Variants in SEC14L5 observed in about 807,000 individuals in gnomAD.
SEC14L5 encodes the protein SEC14 like lipid binding 5, also known as SEC14-like protein 5.
Under a neutral mutation model 84.6 loss-of-function variants are expected in SEC14L5, and 96 were observed. The observed-to-expected ratio is 1.13, with a 90% CI of 0.96 to 1.34. The LOEUF (loss-of-function observed/expected upper bound fraction) is 1.34, where lower values mean the gene tolerates loss of function less well. Ranked by LOEUF, SEC14L5 falls within the 40% of genes most tolerant of loss-of-function variation. SEC14L5 has a pLI of 0.00. For missense variants in SEC14L5, 1,224 were observed against 942.5 expected, an observed-to-expected ratio of 1.30 and a Z score of -3.91; for synonymous variants, 546 against 383.4, an observed-to-expected ratio of 1.42 and a Z score of -4.95.
chr16:5,011,008 T>C, intron 14 of SEC14L5, 87 bp from the exon 15 acceptor site: 2 of 1,314,912 alleles, frequency 1.5e-6, no homozygotes, highest in African/African-American at 1.5e-5. Flanking sequence ...TTTCCAGGCC[T>C]GGTGATGAGA....
At chr16:4,964,391 A>G (rs1339663244) in intron 2 of SEC14L5, among the ~76,000 whole-genome samples, 1 of 152,132 alleles carries the variant, frequency 6.6e-6, no homozygotes, top group Non-Finnish European at 1.5e-5. Context: ...GATCAAGACC[A>G]TCCTGACCAA....
chr16:4,965,478 G>A (rs1305693825), intron 2 of SEC14L5, among the ~76,000 whole-genome samples: 2 of 150,422 alleles, frequency 1.3e-5, no homozygotes, highest in Admixed American at 6.6e-5. Flanking sequence ...TGGCTAACAC[G>A]GTGAAACCGC....
intron 10 of SEC14L5, among the ~76,000 whole-genome samples, chr16:5,001,362 G>A (rs950359140): frequency 3.3e-5 from 5 of 151,130 alleles, no homozygotes; most frequent in Admixed American, 6.6e-5. Context: ...GGGTTCAAGC[G>A]ATTCTCCTGC....
At chr16:4,969,308 C>T (rs371887348) in intron 2 of SEC14L5, among the ~76,000 whole-genome samples, 2 of 151,988 alleles carry the variant, frequency 1.3e-5, no homozygotes, top group African/African-American at 4.8e-5. Flanking sequence ...TGCTGTGTGC[C>T]GAAGGCTGTG....
chr16:4,991,828 T>C lies in SEC14L5; in HGVS notation c.475-10T>C. 1 of 1,591,336 alleles carries C rather than the reference T, an allele frequency of 6.3e-7. No homozygotes were observed. Among genetic ancestry groups the C allele is most frequent in the Non-Finnish European group, 8.6e-7 (1 of 1,167,836 alleles). On this transcript the variant is annotated splice_polypyrimidine_tract_variant and intron_variant, in intron 5 of 15. Transcript: ENST00000251170. Reference sequence around the variant, plus strand: ...CGTGCTCATGTGTCTTGGGTCTCTCTGGCTTCCAGGGGAAGGAGGTGATTG... The same window carrying C: ...CGTGCTCATGTGTCTTGGGTCTCTCCGGCTTCCAGGGGAAGGAGGTGATTG...
At chr16:4,961,974 G>A (rs1027856007) in intron 2 of SEC14L5, among the ~76,000 whole-genome samples, 1 of 151,930 alleles carries the variant, frequency 6.6e-6, no homozygotes, top group Non-Finnish European at 1.5e-5. Flanking sequence ...GGCCCTGTGC[G>A]AGGCAAACAG....
At chr16:4,966,433 C>T (rs911162376) in intron 2 of SEC14L5, among the ~76,000 whole-genome samples, 1 of 151,746 alleles carries the variant, frequency 6.6e-6, no homozygotes, top group Admixed American at 6.6e-5. Flanking sequence ...GCCACCATGC[C>T]CAGCTAAATT....
chr16:4,966,182 G>T (rs1955197966), intron 2 of SEC14L5, among the ~76,000 whole-genome samples: 1 of 151,872 alleles, frequency 6.6e-6, no homozygotes, highest in Admixed American at 6.6e-5. Flanking sequence ...TAGCCAGGAT[G>T]GTGTCAATCT....
intron 2 of SEC14L5, among the ~76,000 whole-genome samples, chr16:4,968,925 A>G (rs981616375): frequency 1.3e-5 from 2 of 152,262 alleles, no homozygotes; most frequent in African/African-American, 4.8e-5. Flanking sequence ...AATTTAGCCA[A>G]TGCGTTATTA....
At chr16:4,997,883 T>C (rs1272782011) in intron 8 of SEC14L5, among the ~76,000 whole-genome samples, 1 of 152,046 alleles carries the variant, frequency 6.6e-6, no homozygotes, top group Non-Finnish European at 1.5e-5. Flanking sequence ...TGTTTCTGTG[T>C]CCTCGCCTCT....
At chr16:4,965,075 A>G (rs184767398) in intron 2 of SEC14L5, among the ~76,000 whole-genome samples, 30 of 152,272 alleles carry the variant, frequency 2.0e-4, no homozygotes, top group African/African-American at 7.0e-4. Flanking sequence ...GGTGTGATTG[A>G]CACATAAAAA....
chr16:4,985,292 G>T (rs1955471932), intron 2 of SEC14L5, among the ~76,000 whole-genome samples: 1 of 152,026 alleles, frequency 6.6e-6, no homozygotes, highest in South Asian at 2.1e-4. Context: ...ATGGCACAAT[G>T]TCGCCTCACT....
intron 2 of SEC14L5, among the ~76,000 whole-genome samples, chr16:4,985,646 G>A (rs1289097153): frequency 2.0e-5 from 3 of 152,088 alleles, no homozygotes; most frequent in Admixed American, 6.6e-5. Flanking sequence ...GGTGATAAAC[G>A]TAAGGGCTTA....
Position 5,018,855 on chromosome 16 carries a change from A to G in SEC14L5, c.*3885A>G, listed in dbSNP as rs866986200. ...TCCCTGCTGTAAAATTTATTGTCCA[A>G]TGAGAATAGTATAATTGTTTTCAAC... On this transcript the variant is annotated 3_prime_UTR_variant, in exon 16 of 16. Coordinates refer to ENST00000251170, the MANE Select transcript of SEC14L5 (RefSeq NM_014692.2). 2.6e-5 allele frequency: 4 copies of G among 152,270 alleles called. No homozygotes were observed. The highest frequency in any genetic ancestry group is 3.4e-3 in the Middle Eastern group (1 of 294). The allele number at this position is 152,270 out of a possible 1,614,324, so 9.4% of individuals were successfully genotyped here. A position where few individuals can be genotyped will look rare whatever the true frequency, so the allele number is the denominator to read the frequency against.
intron 15 of SEC14L5, among the ~76,000 whole-genome samples, chr16:5,012,246 G>T (rs541397198): frequency 2.0e-4 from 31 of 152,168 alleles, no homozygotes; most frequent in Non-Finnish European, 3.5e-4. Context: ...TGAGGCCCAG[G>T]GGGACACAGA....
intron 8 of SEC14L5, among the ~76,000 whole-genome samples, chr16:4,999,952 C>T (rs1185388784): frequency 6.6e-6 from 1 of 151,592 alleles, no homozygotes; most frequent in South Asian, 2.1e-4. Context: ...AACCAACAGA[C>T]AAAAAACACC....
chr16:4,998,149 G>A (rs1370121746), intron 8 of SEC14L5, among the ~76,000 whole-genome samples: 1 of 151,646 alleles, frequency 6.6e-6, no homozygotes, highest in Non-Finnish European at 1.5e-5. Context: ...GGGACTACAG[G>A]CGTGCACCAC....
chr16:4,987,636 C>G lies in SEC14L5; in HGVS notation c.143C>G (p.Pro48Arg), dbSNP rs748061437. 2.6e-6 allele frequency: 4 copies of G among 1,555,858 alleles called. No homozygotes were observed. The highest frequency in any genetic ancestry group is 2.4e-5 in the South Asian group (2 of 84,442). The change falls in exon 3 of 16, where the codon CCG (proline) becomes CGG (arginine). Residue 48 changes from proline (P) to arginine (R), a missense_variant. Physicochemically the swap from Pro to Arg is moderately radical, Grantham distance 103. Transcript: ENST00000251170. ...GAGGTCTTGCGCGAGTCCCGCAGCC[C>G]GGACGGGGCTGTGCACGTGGTGGAG... Reference protein sequence around the residue: ...GSEVLRESRSPDGAVHVVERS... With the variant: ...GSEVLRESRSRDGAVHVVERS...
intron 4 of SEC14L5, 44 bp from the exon 5 acceptor site, chr16:4,990,723 C>A: frequency 6.4e-7 from 1 of 1,560,942 alleles, no homozygotes; most frequent in East Asian, 2.4e-5. Context: ...GGGCAGGGTG[C>A]CCCCGACATT....
Sources: gnomAD v4.1 joint callset for allele counts (sites outside exome capture counted in the v4.1 genomes callset) on GRCh38, gnomAD v4.1.1 for gene constraint, MANE v1.5 for transcripts, NCBI Gene and HGNC (gene_info 2026-07-23, HGNC 2026-07-21) for gene names.